Variants in PPP6R3 observed in about 807,000 individuals in gnomAD.
PPP6R3 encodes the protein protein phosphatase 6 regulatory subunit 3.
Under a neutral mutation model 110.7 loss-of-function variants are expected in PPP6R3, and 38 were observed. The observed-to-expected ratio is 0.34, with a 90% CI of 0.26 to 0.45. PPP6R3 has a LOEUF of 0.45. Among genes scored for constraint, PPP6R3 ranks in the 20% least tolerant of loss-of-function variants. The probability of loss-of-function intolerance (pLI) is 1.00; values close to 1 mark genes in which losing one functional copy is unlikely to be tolerated. For synonymous variants in PPP6R3, 369 were observed against 373.5 expected, an observed-to-expected ratio of 0.99 and a Z score of 0.14; for missense variants, 870 against 1,062.4, an observed-to-expected ratio of 0.82 and a Z score of 2.52.
chr11:68,514,183 GC>G, intron 1 of PPP6R3, among the ~76,000 whole-genome samples: 1 of 152,214 alleles, frequency 6.6e-6, no homozygotes, highest in South Asian at 2.1e-4. Context: ...TCCTGCCTTA[GC>G]CTGTTGAGTA....
intron 8 of PPP6R3, among the ~76,000 whole-genome samples, chr11:68,558,891 G>A (rs2099408960): frequency 6.6e-6 from 1 of 152,204 alleles, no homozygotes; most frequent in Admixed American, 6.5e-5. Flanking sequence ...TTTATTGGCA[G>A]TATTTAGACT....
chr11:68,574,099 C>A lies in PPP6R3; in HGVS notation c.1344-10C>A. 6.3e-7 allele frequency: 1 copy of A among 1,595,558 alleles called. No individual in the cohort carries two copies. Among genetic ancestry groups the A allele is most frequent in the Non-Finnish European group, 8.6e-7 (1 of 1,163,356 alleles). On this transcript the variant is annotated splice_polypyrimidine_tract_variant and intron_variant, in intron 12 of 23. Coordinates refer to ENST00000393800, the MANE Select transcript of PPP6R3 (RefSeq NM_001164161.2). ...AGGAATCTGAGTATTTGTCCTTTAC[C>A]TCTTGTCAGGGCTGAGGGAGGAAGA...
At chr11:68,474,202 G>A (rs1285793411) in intron 1 of PPP6R3, among the ~76,000 whole-genome samples, 5 of 152,052 alleles carry the variant, frequency 3.3e-5, no homozygotes, top group Non-Finnish European at 5.9e-5. Flanking sequence ...ACACCACCAT[G>A]CCTGGCTAAT....
chr11:68,464,351 G>C (rs1383466037), intron 1 of PPP6R3, among the ~76,000 whole-genome samples: 1 of 151,992 alleles, frequency 6.6e-6, no homozygotes, highest in Admixed American at 6.6e-5. Flanking sequence ...GGGTGGTCTT[G>C]AACTCCTGAC....
intron 18 of PPP6R3, 56 bp downstream of exon 18, chr11:68,591,762 A>C: frequency 6.5e-7 from 1 of 1,542,040 alleles, no homozygotes; most frequent in Non-Finnish European, 8.7e-7. Flanking sequence ...GAAAATGATT[A>C]TCATGAGACA....
At position 68,529,643 on chromosome 11, in the gene PPP6R3, T is replaced by C. The variant is rs1303411317; in HGVS notation, c.-6-8016T>C. On this transcript the variant is annotated intron_variant, in intron 2 of 23. Transcript: ENST00000393800. ...GAAGGATTTGAAAACTTTCTTGTTATTGCTATAAATGTTTCTAGGTATTAG... is the reference window on the plus strand; with the variant it reads ...GAAGGATTTGAAAACTTTCTTGTTACTGCTATAAATGTTTCTAGGTATTAG... Among the ~76,000 whole-genome samples the C allele has an allele frequency of 2.6e-5, 4 of 152,230 alleles. No individual in the cohort carries two copies. In the East Asian group the frequency reaches 7.7e-4, roughly 29 times the overall value.
At chr11:68,612,684 T>C (rs1363727944) in intron 23 of PPP6R3, among the ~76,000 whole-genome samples, 1 of 152,036 alleles carries the variant, frequency 6.6e-6, no homozygotes, top group Non-Finnish European at 1.5e-5. Context: ...TGGATTCCAA[T>C]CTGTGGGTCA....
Position 68,614,423 on chromosome 11 carries a change from T to C in PPP6R3, c.*1306T>C, listed in dbSNP as rs1338965122. ...CTTTTAGATGCAAATCAGTTTTTCA[T>C]TTCTGTAATAGAAAATTATTCACGT... On this transcript the variant is annotated 3_prime_UTR_variant, in exon 24 of 24. Coordinates refer to ENST00000393800, the MANE Select transcript of PPP6R3 (RefSeq NM_001164161.2). 2 of 1,318,234 alleles carry C rather than the reference T, an allele frequency of 1.5e-6. No homozygotes were observed. The highest frequency in any genetic ancestry group is 9.6e-7 in the Non-Finnish European group (1 of 1,037,018). The allele number at this position is 1,318,234 out of a possible 1,614,324, so 81.7% of individuals were successfully genotyped here. A position where few individuals can be genotyped will look rare whatever the true frequency, so the allele number is the denominator to read the frequency against.
intron 10 of PPP6R3, 61 bp downstream of exon 10, chr11:68,567,227 C>A: frequency 6.9e-7 from 1 of 1,451,020 alleles, no homozygotes; most frequent in Non-Finnish European, 9.2e-7. Flanking sequence ...GGATATTTAA[C>A]CAAGTTACAA....
intron 19 of PPP6R3, among the ~76,000 whole-genome samples, chr11:68,597,816 TG>T (rs1241194635): frequency 1.1e-5 from 1 of 93,052 alleles, no homozygotes; most frequent in Non-Finnish European, 2.2e-5. Flanking sequence ...CTGTCTCTAC[TG>T]AAAAAAAAAA....
intron 1 of PPP6R3, among the ~76,000 whole-genome samples, chr11:68,487,511 A>G (rs2098955488): frequency 6.6e-6 from 1 of 152,052 alleles, no homozygotes; most frequent in African/African-American, 2.4e-5. Context: ...CAGAGGTTGC[A>G]GTGAATGTAG....
rs1594241846 is a variant in PPP6R3, at chr11:68,614,999, T to C, written c.*1882T>C. ...GTGGCTTCTCCATCCCACTGTGGCC[T>C]CTGTGGTATGGACCTGGTGGCTTCT... is the stretch of plus-strand genomic sequence containing the variant. On this transcript the variant is annotated 3_prime_UTR_variant, in exon 24 of 24. Coordinates refer to ENST00000393800, the MANE Select transcript of PPP6R3 (RefSeq NM_001164161.2). The C allele has an allele frequency of 9.1e-6, 5 of 547,048 alleles. No homozygotes were observed. In the East Asian group the frequency reaches 2.2e-4, roughly 24 times the overall value. The allele number at this position is 547,048 out of a possible 1,614,324, so 33.9% of individuals were successfully genotyped here.
At chr11:68,527,418 TG>T (rs2099205021) in intron 2 of PPP6R3, among the ~76,000 whole-genome samples, 7 of 152,186 alleles carry the variant, frequency 4.6e-5, no homozygotes, top group Non-Finnish European at 8.8e-5. Flanking sequence ...GTCTCTACAG[TG>T]CCCCACCTCA....
chr11:68,522,581 G>T (rs887086250), intron 2 of PPP6R3: 1 of 152,232 alleles, frequency 6.6e-6, no homozygotes, highest in African/African-American at 2.4e-5. Flanking sequence ...AACCGGGATG[G>T]TTAAGTCCAT....
chr11:68,510,054 C>CTTTTTTTTTTTTTT (rs372113258), intron 1 of PPP6R3, among the ~76,000 whole-genome samples: 2 of 76,966 alleles, frequency 2.6e-5, no homozygotes, highest in Admixed American at 1.9e-4. Flanking sequence ...TGTGCTCGGC[C>CTTTTTTTTTTTTTT]TTTTTTTTTT....
intron 1 of PPP6R3, among the ~76,000 whole-genome samples, chr11:68,471,282 CAAA>C (rs34619002): frequency 8.7e-5 from 5 of 57,246 alleles, no homozygotes; most frequent in African/African-American, 1.1e-4. Context: ...GATTCTGTCT[CAAA>C]AAAAAAAAAA....
intron 19 of PPP6R3, 133 bp downstream of exon 19, chr11:68,596,351 G>A: frequency 7.9e-7 from 1 of 1,261,304 alleles, no homozygotes. Flanking sequence ...GTTGTCAAGT[G>A]AATTCCTCTT....
At chr11:68,527,972 T>G (rs891916715) in intron 2 of PPP6R3, among the ~76,000 whole-genome samples, 1 of 152,226 alleles carries the variant, frequency 6.6e-6, no homozygotes, top group Non-Finnish European at 1.5e-5. Flanking sequence ...AGGCTCAACT[T>G]AGGCTTGATA....
chr11:68,585,992 G>A (rs567571862), intron 15 of PPP6R3, among the ~76,000 whole-genome samples: 12 of 152,030 alleles, frequency 7.9e-5, no homozygotes, highest in Non-Finnish European at 1.5e-4. Flanking sequence ...AGCTGGCTGC[G>A]ATGGCATGCA....
Sources: allele counts gnomAD v4.1 joint callset (sites outside exome capture counted in the v4.1 genomes callset), GRCh38; gene constraint gnomAD v4.1.1; transcripts MANE v1.5; gene names NCBI Gene and HGNC (gene_info 2026-07-23, HGNC 2026-07-21).